Variants in MAP7 observed in about 807,000 individuals in gnomAD.
MAP7 encodes microtubule associated protein 7.
Under a neutral mutation model 94.8 loss-of-function variants are expected in MAP7, and 52 were observed. The ratio of observed to expected loss-of-function variants is 0.55; its 90% CI spans 0.44 to 0.69. MAP7 has a LOEUF of 0.69. Among genes scored for constraint, MAP7 ranks in the 30% least tolerant of loss-of-function variants. The pLI is 0.00. For missense variants in MAP7, 940 were observed against 964.6 expected (o/e 0.97, Z 0.34); for synonymous variants, 350 against 357.0 (o/e 0.98, Z 0.22).
Position 136,372,527 on chromosome 6 carries a change from G to A in MAP7, c.850C>T (p.Arg284Cys), listed in dbSNP as rs373263401. 3.3e-5 allele frequency: 53 copies of A among 1,614,046 alleles called. No homozygotes were observed. The highest frequency in any genetic ancestry group is 4.1e-5 in the Non-Finnish European group (48 of 1,180,040). ...LFVTPPEGSS[R>C]RRIIHGTASY... is the part of the protein sequence containing the mutation. ...GCTGTGCCATGAATGATCCTCCTGC[G>A]AGAAGAGCCCTCAGGTGGTGTTACA... Residue 284 changes from arginine (R) to cysteine (C), a missense_variant, in exon 8 of 18, where the codon CGC becomes TGC. By Grantham distance (180) the Arg-to-Cys change is radical. Transcript: ENST00000354570.
At chr6:136,381,137 AG>A (rs1207380981) in intron 6 of MAP7, among the ~76,000 whole-genome samples, 1 of 152,230 alleles carries the variant, frequency 6.6e-6, no homozygotes, top group African/African-American at 2.4e-5. Flanking sequence ...TAAAAATAGC[AG>A]GAAAGAACTA....
chr6:136,437,288 A>C (rs1582908832), intron 1 of MAP7, among the ~76,000 whole-genome samples: 1 of 152,160 alleles, frequency 6.6e-6, no homozygotes, highest in African/African-American at 2.4e-5. Context: ...CTCCCATCAG[A>C]GTTGGTAGAA....
intron 1 of MAP7, among the ~76,000 whole-genome samples, chr6:136,465,837 C>G (rs1806837754): frequency 6.6e-6 from 1 of 152,098 alleles, no homozygotes; most frequent in African/African-American, 2.4e-5. Context: ...GTATATACCT[C>G]ACGTATGTCT....
At chr6:136,473,955 T>C (rs1263839777) in intron 1 of MAP7, among the ~76,000 whole-genome samples, 1 of 151,962 alleles carries the variant, frequency 6.6e-6, no homozygotes. Flanking sequence ...CAGATCAATA[T>C]TATGAAAAAA....
At chr6:136,532,683 A>G (rs756147782) in intron 1 of MAP7, among the ~76,000 whole-genome samples, 1 of 152,090 alleles carries the variant, frequency 6.6e-6, no homozygotes, top group Non-Finnish European at 1.5e-5. Context: ...GACTTGATGC[A>G]AATGGAAAGT....
At chr6:136,385,972 T>A (rs571631125) in intron 5 of MAP7, among the ~76,000 whole-genome samples, 1 of 152,224 alleles carries the variant, frequency 6.6e-6, no homozygotes, top group Non-Finnish European at 1.5e-5. Context: ...GATTTCTCCA[T>A]GTTGACCAGG....
chr6:136,377,718 T>C, intron 7 of MAP7, 37 bp downstream of exon 7: 1 of 1,497,706 alleles, frequency 6.7e-7, no homozygotes, highest in Non-Finnish European at 9.3e-7. Flanking sequence ...AGGGAGGACT[T>C]GACCTCATGG....
intron 1 of MAP7, among the ~76,000 whole-genome samples, chr6:136,506,401 G>C (rs1821527029): frequency 6.6e-6 from 1 of 152,076 alleles, no homozygotes; most frequent in South Asian, 2.1e-4. Flanking sequence ...CTGTAGGGAA[G>C]GGAAGAGAAA....
At chr6:136,441,637 CAG>C in intron 1 of MAP7, among the ~76,000 whole-genome samples, 1 of 152,266 alleles carries the variant, frequency 6.6e-6, no homozygotes, top group South Asian at 2.1e-4. Flanking sequence ...CATGAAACTT[CAG>C]AGTTTTATGG....
chr6:136,421,458 G>A (rs1031860711), intron 2 of MAP7, among the ~76,000 whole-genome samples: 13 of 152,282 alleles, frequency 8.5e-5, no homozygotes, highest in African/African-American at 2.4e-4. Context: ...TAAGCAGGTC[G>A]TGTGTTTGAA....
intron 1 of MAP7, among the ~76,000 whole-genome samples, chr6:136,506,430 T>C (rs572134849): frequency 6.6e-6 from 1 of 152,168 alleles, no homozygotes; most frequent in South Asian, 2.1e-4. Context: ...GGGAAGGGCA[T>C]TGGTAGGAGT....
intron 1 of MAP7, among the ~76,000 whole-genome samples, chr6:136,453,310 ACATT>A (rs1801759260): frequency 2.0e-5 from 3 of 152,200 alleles, no homozygotes. Flanking sequence ...CCTGTGTACA[ACATT>A]CAGTGTATTT....
At chr6:136,417,085 C>T (rs1582851029) in intron 2 of MAP7, among the ~76,000 whole-genome samples, 1 of 152,172 alleles carries the variant, frequency 6.6e-6, no homozygotes, top group South Asian at 2.1e-4. Flanking sequence ...CACCACTGCA[C>T]TCCAGCCTGG....
intron 15 of MAP7, among the ~76,000 whole-genome samples, chr6:136,357,317 C>T (rs951963547): frequency 2.0e-5 from 3 of 152,176 alleles, no homozygotes; most frequent in Admixed American, 1.3e-4. Context: ...CCTCATTATT[C>T]AAAGCTCAAT....
At chr6:136,484,645 G>A (rs1022285926) in intron 1 of MAP7, among the ~76,000 whole-genome samples, 1 of 152,096 alleles carries the variant, frequency 6.6e-6, no homozygotes, top group Non-Finnish European at 1.5e-5. Flanking sequence ...TTCTTAAACC[G>A]TGAATCATAA....
chr6:136,366,064 C>T (rs762343170), intron 9 of MAP7, 46 bp from the exon 10 acceptor site: 1 of 1,565,500 alleles, frequency 6.4e-7, no homozygotes, highest in Non-Finnish European at 8.6e-7. Flanking sequence ...CACATGAGAA[C>T]AGGCTTGCCA....
At chr6:136,529,711 A>G (rs1828316143) in intron 1 of MAP7, among the ~76,000 whole-genome samples, 1 of 152,236 alleles carries the variant, frequency 6.6e-6, no homozygotes, top group African/African-American at 2.4e-5. Context: ...ATTCTGCAGT[A>G]TAATTTCAAA....
At position 136,343,882 on chromosome 6, in the gene MAP7, T is replaced by G. The variant is rs1787019806; in HGVS notation, c.*346A>C. On this transcript the variant is annotated 3_prime_UTR_variant, in exon 18 of 18. Transcript: ENST00000354570. ...TTTTGCCAATTTTACATGTTAAGCTTTTAAGACCAAAAAAATCATGCCTAG... is the reference window on the plus strand; with the variant it reads ...TTTTGCCAATTTTACATGTTAAGCTGTTAAGACCAAAAAAATCATGCCTAG... 5.8e-6 allele frequency: 1 copy of G among 172,062 alleles called. No individual in the cohort carries two copies. Among genetic ancestry groups the G allele is most frequent in the South Asian group, 2.0e-4 (1 of 5,010 alleles). 10.7% of individuals were successfully genotyped at this position (172,062 alleles called of 1,614,324 possible).
At chr6:136,509,180 C>T (rs1310080144) in intron 1 of MAP7, among the ~76,000 whole-genome samples, 6 of 152,170 alleles carry the variant, frequency 3.9e-5, no homozygotes, top group South Asian at 4.1e-4. Context: ...ATGTCACTAG[C>T]CACATGACTG....
Sources: gnomAD v4.1 joint callset for allele counts (sites outside exome capture counted in the v4.1 genomes callset) on GRCh38, gnomAD v4.1.1 for gene constraint, MANE v1.5 for transcripts, NCBI Gene and HGNC (gene_info 2026-07-23, HGNC 2026-07-21) for gene names.